Variants in EYS observed in about 807,000 individuals in gnomAD.
EYS encodes protein eyes shut homolog.
A neutral mutation model predicts 282.1 loss-of-function variants in EYS; 250 were observed. That is an observed-to-expected ratio of 0.89 (90% CI 0.80 to 0.98). The LOEUF is 0.98. Ranked by LOEUF, EYS falls within the 50% of genes least tolerant of loss-of-function variation. The probability of loss-of-function intolerance (pLI) is 0.00; values close to 1 mark genes in which losing one functional copy is unlikely to be tolerated. For missense variants in EYS, 4,016 were observed against 3,709.0 expected (o/e 1.08, Z -2.15); for synonymous variants, 1,355 against 1,282.9 (o/e 1.06, Z -1.20).
At chr6:65,086,721 T>A (rs919224806) in intron 12 of EYS, among the ~76,000 whole-genome samples, 1 of 152,166 alleles carries the variant, frequency 6.6e-6, no homozygotes, top group Non-Finnish European at 1.5e-5. Context: ...CTTAAATCTA[T>A]TGTTTGTTAA....
At position 64,406,956 on chromosome 6, in the gene EYS, C is replaced by A. The variant is rs562281223; in HGVS notation, c.5928-18116G>T. Among the ~76,000 whole-genome samples, 5 of 152,250 alleles carry A rather than the reference C, an allele frequency of 3.3e-5. No homozygotes were observed. The East Asian group carries it at 9.6e-4, about 29-fold the overall frequency. ...CAGCAGTCCCATTACTGGGTATATA[C>A]CCGAAGGATAATAAATCATTCTACT... On this transcript the variant is annotated intron_variant, in intron 28 of 42. Transcript: ENST00000503581.
At chr6:64,846,994 G>T (rs1765735543) in intron 19 of EYS, among the ~76,000 whole-genome samples, 1 of 138,326 alleles carries the variant, frequency 7.2e-6, no homozygotes, top group African/African-American at 2.6e-5. Context: ...ACTGAGTAAA[G>T]CATATTATCC....
chr6:64,588,004 C>A (rs1396633729), intron 26 of EYS, among the ~76,000 whole-genome samples: 3 of 151,894 alleles, frequency 2.0e-5, no homozygotes, highest in Non-Finnish European at 2.9e-5. Flanking sequence ...CCTTCATTGC[C>A]AGATAATTTT....
chr6:64,937,576 A>G (rs1279480891), intron 15 of EYS, among the ~76,000 whole-genome samples: 3 of 151,618 alleles, frequency 2.0e-5, no homozygotes, highest in Non-Finnish European at 4.4e-5. Context: ...TGAAAATCAA[A>G]TGTGCATTGA....
Position 64,024,121 on chromosome 6 carries a change from G to C in EYS, c.6726-24938C>G, listed in dbSNP as rs190238078. ...ACCACCCAAGGGCTGAGGAGTGCAG[G>C]CGCAGGGCGCAGGACTGGCAGGCAG... On this transcript the variant is annotated intron_variant, in intron 33 of 42. Transcript: ENST00000503581. Among the ~76,000 whole-genome samples the C allele has an allele frequency of 1.6e-3, 245 of 152,358 alleles. 2 individuals are homozygous for C. In the East Asian group the frequency reaches 0.036, roughly 22 times the overall value.
chr6:64,238,887 T>C (rs966034217), intron 30 of EYS, among the ~76,000 whole-genome samples: 1 of 152,178 alleles, frequency 6.6e-6, no homozygotes, highest in Admixed American at 6.6e-5. Context: ...TTTCTCCTAA[T>C]GCTATCCCTC....
chr6:64,584,353 T>G (rs1052438782), intron 26 of EYS, among the ~76,000 whole-genome samples: 2 of 151,816 alleles, frequency 1.3e-5, no homozygotes, highest in Non-Finnish European at 2.9e-5. Context: ...ATGTCAGTAT[T>G]TAATAAAGCC....
chr6:65,078,269 C>A (rs565539709), intron 12 of EYS, among the ~76,000 whole-genome samples: 24 of 152,170 alleles, frequency 1.6e-4, no homozygotes, highest in African/African-American at 5.5e-4. Flanking sequence ...TTATGGTAAA[C>A]AAATTTCAAA....
intron 1 of EYS, among the ~76,000 whole-genome samples, chr6:65,687,877 G>A (rs1769089481): frequency 6.6e-6 from 1 of 152,110 alleles, no homozygotes; most frequent in African/African-American, 2.4e-5. Context: ...ACTTACAAGG[G>A]ATGTGAAGGA....
At chr6:63,854,026 C>G (rs1772327482) in intron 36 of EYS, among the ~76,000 whole-genome samples, 1 of 152,134 alleles carries the variant, frequency 6.6e-6, no homozygotes, top group Non-Finnish European at 1.5e-5. Flanking sequence ...ATTAGTTTAA[C>G]CTTGTGGAAG....
intron 19 of EYS, among the ~76,000 whole-genome samples, chr6:64,830,845 C>T (rs1226295987): frequency 6.6e-6 from 1 of 151,952 alleles, no homozygotes; most frequent in East Asian, 1.9e-4. Context: ...ACACTCAATT[C>T]CACAAATAGA....
At chr6:64,870,781 T>C (rs961320547) in intron 19 of EYS, among the ~76,000 whole-genome samples, 3 of 151,746 alleles carry the variant, frequency 2.0e-5, no homozygotes, top group Non-Finnish European at 4.4e-5. Context: ...TAAACTACAA[T>C]AACAGAAATA....
chr6:65,607,735 A>G (rs1765850300), intron 2 of EYS, among the ~76,000 whole-genome samples: 1 of 151,938 alleles, frequency 6.6e-6, no homozygotes, highest in Non-Finnish European at 1.5e-5. Context: ...GTGAAAATAA[A>G]TTATATTTAA....
intron 1 of EYS, among the ~76,000 whole-genome samples, chr6:65,669,624 G>A (rs1301361432): frequency 6.6e-6 from 1 of 151,962 alleles, no homozygotes; most frequent in Admixed American, 6.6e-5. Context: ...GGCCAGAAAT[G>A]TAAGAGCTAT....
At chr6:64,264,490 A>AGTGTG (rs1390158625) in intron 30 of EYS, among the ~76,000 whole-genome samples, 1 of 152,160 alleles carries the variant, frequency 6.6e-6, no homozygotes, top group Non-Finnish European at 1.5e-5. Context: ...GAGCAGTAGA[A>AGTGTG]GTGTGTAATA....
At chr6:64,462,263 CAT>C (rs1358805504) in intron 26 of EYS, among the ~76,000 whole-genome samples, 2 of 152,132 alleles carry the variant, frequency 1.3e-5, no homozygotes, top group African/African-American at 4.8e-5. Context: ...ACTTGGATGA[CAT>C]AATGCTTAGA....
intron 18 of EYS, among the ~76,000 whole-genome samples, chr6:64,900,316 CA>C (rs1205169787): frequency 2.0e-5 from 3 of 152,102 alleles, no homozygotes; most frequent in Non-Finnish European, 4.4e-5. Flanking sequence ...AGGACATAGG[CA>C]GGGGCAAAGA....
chr6:64,428,971 AC>A (rs1774499616), intron 28 of EYS, among the ~76,000 whole-genome samples: 1 of 152,074 alleles, frequency 6.6e-6, no homozygotes, highest in African/African-American at 2.4e-5. Flanking sequence ...TCAAAATCCA[AC>A]CAAAAATATT....
chr6:65,491,377 T>C, intron 4 of EYS: 1 of 308,246 alleles, frequency 3.2e-6, no homozygotes, highest in South Asian at 2.9e-5. Flanking sequence ...GAATGTGCCT[T>C]GAAAATCCCA....
Sources: allele counts gnomAD v4.1 joint callset (sites outside exome capture counted in the v4.1 genomes callset), GRCh38; gene constraint gnomAD v4.1.1; transcripts MANE v1.5; gene names NCBI Gene and HGNC (gene_info 2026-07-23, HGNC 2026-07-21).